Variants in DNAH1 observed in about 807,000 individuals in gnomAD.
DNAH1 encodes the protein dynein axonemal heavy chain 1, also known as axonemal beta dynein heavy chain 1.
In DNAH1, 327 loss-of-function variants were observed where a neutral mutation model predicts 484.3. The observed-to-expected ratio is 0.68, with a 90% CI of 0.62 to 0.74. The LOEUF is 0.74. Ranked by LOEUF, DNAH1 falls within the 30% of genes least tolerant of loss-of-function variation. DNAH1 has a pLI of 0.00. For synonymous variants in DNAH1, 2,192 were observed against 2,191.9 expected (o/e 1.00, Z 0.00); for missense variants, 5,052 against 5,546.8 (o/e 0.91, Z 2.83).
intron 41 of DNAH1, among the ~76,000 whole-genome samples, chr3:52,371,596 AG>A (rs559306328): frequency 6.9e-4 from 105 of 152,330 alleles, no homozygotes; most frequent in African/African-American, 2.4e-3. Flanking sequence ...GAAACTAAAC[AG>A]AAAACCCCTT....
chr3:52,367,981 G>A (rs1326322844), intron 36 of DNAH1, among the ~76,000 whole-genome samples: 1 of 152,236 alleles, frequency 6.6e-6, no homozygotes, highest in Non-Finnish European at 1.5e-5. Context: ...ACTGGGCTCT[G>A]AATACAGCAT....
rs759582396 is a variant in DNAH1 at position 52,370,547 on chromosome 3, C to T, written c.6329C>T (p.Ser2110Phe). Reference sequence around the variant, plus strand: ...TTGATCGAGCCCTGGTTCATCTTCTCCCTGATCTGGAGCGTGGGTGCCACT... The same window carrying T: ...TTGATCGAGCCCTGGTTCATCTTCTTCCTGATCTGGAGCGTGGGTGCCACT... ...VELIEPWFIF[S>F]LIWSVGATGD... The change falls in exon 40 of 78, where the codon TCC becomes TTC. Residue 2110 changes from serine to phenylalanine, a missense_variant. Around this residue, in one of 4 missense-constraint regions of DNAH1, gnomAD observed 2,929 missense variants for 3,409.4 expected, o/e 0.86. Coordinates refer to ENST00000420323, the MANE Select transcript of DNAH1 (RefSeq NM_015512.5). 3 of 1,613,976 alleles carry T rather than the reference C, an allele frequency of 1.9e-6. No individual in the cohort carries two copies. The South Asian group carries it at 3.3e-5, about 18-fold the overall frequency.
At chr3:52,386,981 C>T (rs1362986853) in intron 56 of DNAH1, 128 bp downstream of exon 56, 32 of 981,784 alleles carry the variant, frequency 3.3e-5, no homozygotes, top group Non-Finnish European at 4.7e-5. Context: ...TCCTGTCTCT[C>T]TCTGTCCACC....
intron 8 of DNAH1, among the ~76,000 whole-genome samples, chr3:52,342,725 A>T (rs1701995551): frequency 6.6e-6 from 1 of 152,146 alleles, no homozygotes; most frequent in Non-Finnish European, 1.5e-5. Context: ...TGCTGTTCAG[A>T]GACAAGGAGG....
rs778626923 is a variant in DNAH1, at chr3:52,395,013, AG to A, written c.10924del (p.Asp3642ThrfsTer53). ...GGGGACAAGGTTACCAACGCCATGC[AG>A]GACTTTGTGGCCACCAACCTGGAGC... ...LRGDKVTNAM[Q>X]DFVATNLEPR... On this transcript the variant is annotated frameshift_variant, in exon 68 of 78. Coordinates refer to ENST00000420323, the MANE Select transcript of DNAH1 (RefSeq NM_015512.5). LOFTEE classifies it high-confidence loss of function. This position sits in a 1 kb window ranked among gnomAD's most constrained non-coding sequence, Gnocchi z 4.4. 6 of 1,611,636 alleles carry A rather than the reference AG, an allele frequency of 3.7e-6. No homozygotes were observed. The South Asian group carries it at 6.6e-5, about 18-fold the overall frequency.
intron 1 of DNAH1, among the ~76,000 whole-genome samples, chr3:52,319,408 T>A (rs1187556633): frequency 6.6e-6 from 1 of 152,264 alleles, no homozygotes; most frequent in African/African-American, 2.4e-5. Context: ...CTAACTTCTC[T>A]GAGCTTCATT....
chr3:52,331,073 A>G, intron 6 of DNAH1, 75 bp from the exon 7 acceptor site: 2 of 1,494,552 alleles, frequency 1.3e-6, no homozygotes, highest in East Asian at 2.5e-5. Flanking sequence ...ATTCCCAGCG[A>G]TGCTGCCAGC....
rs1358597657 is a variant in DNAH1 at position 52,338,267 on chromosome 3, C to T, written c.1286+5873C>T. ...GGGATTACAGGCGCCTACCACCATG[C>T]CTGGCTATTTTTTGTATTTTTAGTA... On this transcript the variant is annotated intron_variant, in intron 8 of 77. Transcript: ENST00000420323. Among the ~76,000 whole-genome samples the T allele has an allele frequency of 2.0e-5, 3 of 152,100 alleles. No individual in the cohort carries two copies. In the East Asian group the frequency reaches 5.8e-4, roughly 29 times the overall value.
At chr3:52,352,209 A>G in intron 17 of DNAH1, 106 bp downstream of exon 17, 4 of 1,436,548 alleles carry the variant, frequency 2.8e-6, no homozygotes, top group South Asian at 1.3e-5. Flanking sequence ...TGCTGAGTCA[A>G]CATGTGATGG....
chr3:52,313,690 A>C (rs931475899), upstream of DNAH1, among the ~76,000 whole-genome samples: 1 of 152,110 alleles, frequency 6.6e-6, no homozygotes, highest in South Asian at 2.1e-4. Flanking sequence ...GAGGGATTCC[A>C]TCTCTTTGGA....
chr3:52,399,842 C>T, intron 77 of DNAH1, 63 bp downstream of exon 77: 1 of 1,502,362 alleles, frequency 6.7e-7, no homozygotes, highest in Non-Finnish European at 9.1e-7. Context: ...CCAGCCCAGC[C>T]CAAGCCAGTC....
intron 1 of DNAH1, among the ~76,000 whole-genome samples, chr3:52,319,694 C>T (rs184476421): frequency 5.9e-5 from 9 of 152,304 alleles, no homozygotes; most frequent in Admixed American, 4.6e-4. Context: ...CCCATGAGGC[C>T]GCGGCAGGAG....
At chr3:52,372,453 C>G in intron 43 of DNAH1, 66 bp downstream of exon 43, 1 of 1,580,928 alleles carries the variant, frequency 6.3e-7, no homozygotes, top group South Asian at 1.1e-5. Flanking sequence ...AGCTGCTGTC[C>G]CACCTCTCCA....
Position 52,339,764 on chromosome 3 carries a change from TTTTG to T in DNAH1, c.1287-4714_1287-4711del, listed in dbSNP as rs533113888. Among the ~76,000 whole-genome samples the T allele has an allele frequency of 4.9e-3, 752 of 151,978 alleles. 5 individuals are homozygous for T. Among genetic ancestry groups the T allele is most frequent in the Middle Eastern group, 0.014 (4 of 294 alleles). On this transcript the variant is annotated intron_variant, in intron 8 of 77. Coordinates refer to ENST00000420323, the MANE Select transcript of DNAH1 (RefSeq NM_015512.5). Reference sequence around the variant, plus strand: ...TCTGTCAGTATTGCACATTAGTTTTTTTTGTTTGTTTGTTTTTAGAATGTGCTCT... The same window carrying T: ...TCTGTCAGTATTGCACATTAGTTTTTTTTGTTTGTTTTTAGAATGTGCTCT...
Position 52,374,544 on chromosome 3 carries a change from C to T in DNAH1, c.6986-696C>T, listed in dbSNP as rs181599571. 2.8e-4 allele frequency: 415 copies of T among 1,497,498 alleles called. 1 individual carries two copies. The African/African-American group carries it at 4.3e-3, about 15-fold the overall frequency. The allele number at this position is 1,497,498 out of a possible 1,614,324, so 92.8% of individuals were successfully genotyped here. ...TGTGAAGACCATGGAGCCCCTCTTC[C>T]GGCAGTTGGCCAAATGTGTCTCCAG... On this transcript the variant is annotated intron_variant, in intron 44 of 77. Transcript: ENST00000420323.
upstream of DNAH1, among the ~76,000 whole-genome samples, chr3:52,313,557 A>G (rs780103747): frequency 6.6e-6 from 1 of 152,184 alleles, no homozygotes. Context: ...GTATGGGAGC[A>G]GATTGCCAAG....
rs1435694230 is a variant in DNAH1, at chr3:52,399,176, T to C, written c.12416T>C (p.Ile4139Thr). The C allele has an allele frequency of 6.2e-7, 1 of 1,612,086 alleles. No homozygotes were observed. Among genetic ancestry groups the C allele is most frequent in the Admixed American group, 1.7e-5 (1 of 59,946 alleles). ...TTTGCCCGCAAATTTGTCATCTCCATTGACACCATCTCCTTTGATTTCAAG... is the reference window on the plus strand; with the variant it reads ...TTTGCCCGCAAATTTGTCATCTCCACTGACACCATCTCCTTTGATTTCAAG... The part of the protein sequence containing the change: ...QNFARKFVIS[I>T]DTISFDFKVM... Residue 4139 changes from isoleucine to threonine, a missense_variant, in exon 76 of 78, where the codon ATT becomes ACT. This residue lies in a region of DNAH1 where 853 missense variants were observed against 899.0 expected (regional missense o/e 0.95). Coordinates refer to ENST00000420323, the MANE Select transcript of DNAH1 (RefSeq NM_015512.5).
Position 52,388,413 on chromosome 3 carries a change from C to CA in DNAH1, c.9172-4dup, listed in dbSNP as rs1335231581. 1.2e-6 allele frequency: 2 copies of CA among 1,609,534 alleles called. No homozygotes were observed. The highest frequency in any genetic ancestry group is 2.7e-5 in the African/African-American group (2 of 74,876). ...CGAGCTAATCCTGCGCCCTCCGCCCCACAGCAAGCCCTGCTGGAGGCCCAG... is the reference window on the plus strand; with the variant it reads ...CGAGCTAATCCTGCGCCCTCCGCCCCAACAGCAAGCCCTGCTGGAGGCCCAG... On this transcript the variant is annotated splice_region_variant and splice_polypyrimidine_tract_variant and intron_variant, in intron 57 of 77. Transcript: ENST00000420323.
intron 22 of DNAH1, 115 bp downstream of exon 22, chr3:52,356,893 G>A (rs1702632853): frequency 7.6e-7 from 1 of 1,309,630 alleles, no homozygotes; most frequent in East Asian, 2.5e-5. Context: ...GGACAAGCCT[G>A]AGGATTTGAT....
Sources: allele counts gnomAD v4.1 joint callset (sites outside exome capture counted in the v4.1 genomes callset), GRCh38; gene constraint gnomAD v4.1.1; regional missense constraint gnomAD v4.1.1; non-coding constraint Gnocchi (gnomAD v3.1); transcripts MANE v1.5; gene names NCBI Gene and HGNC (gene_info 2026-07-23, HGNC 2026-07-21).